The following UBE2N variants were observed in gnomAD, a reference collection of about 807,000 sequenced individuals.
UBE2N encodes the protein ubiquitin conjugating enzyme E2 N.
For missense variants in UBE2N, 60 were observed against 192.1 expected (o/e 0.31, Z 4.07); for synonymous variants, 70 against 69.2 (o/e 1.01, Z -0.06).
At position 93,406,318 on chromosome 12, in the gene UBE2N, A is replaced by C. The variant is rs531594280; in HGVS notation, c.*3721T>G. On this transcript the variant is annotated 3_prime_UTR_variant, in exon 4 of 4. Coordinates refer to ENST00000318066, the MANE Select transcript of UBE2N (RefSeq NM_003348.4). ...AAAAAAAAAAAAAGGTTCCTGAACCATTCAACAGAAAAATGAGGCCTATTC... is the reference window on the plus strand; with the variant it reads ...AAAAAAAAAAAAAGGTTCCTGAACCCTTCAACAGAAAAATGAGGCCTATTC... 6.3e-5 allele frequency: 9 copies of C among 143,038 alleles called. No homozygotes were observed. Among genetic ancestry groups the C allele is most frequent in the Admixed American group, 2.1e-4 (3 of 14,052 alleles). 8.9% of individuals were successfully genotyped at this position (143,038 alleles called of 1,614,324 possible). A position where few individuals can be genotyped will look rare whatever the true frequency, so the allele number is the denominator to read the frequency against.
intron 1 of UBE2N, among the ~76,000 whole-genome samples, chr12:93,420,210 G>GGGTT (rs1433626367): frequency 1.3e-5 from 2 of 152,126 alleles, no homozygotes; most frequent in Non-Finnish European, 2.9e-5. Flanking sequence ...CTTTATTTAT[G>GGGTT]GGTTGATAGG....
intron 1 of UBE2N, among the ~76,000 whole-genome samples, chr12:93,416,857 C>CAAA (rs4020452): frequency 7.9e-5 from 7 of 88,558 alleles, no homozygotes; most frequent in Admixed American, 1.3e-4. Context: ...CCATCACTAC[C>CAAA]AAAAAAAAAA....
intron 1 of UBE2N, among the ~76,000 whole-genome samples, chr12:93,434,133 T>A (rs1022117238): frequency 5.3e-5 from 8 of 151,482 alleles, no homozygotes; most frequent in Non-Finnish European, 1.0e-4. Context: ...CTACTAAAAA[T>A]AAAAAAAAAT....
chr12:93,410,999 A>C (rs1309936370), intron 2 of UBE2N, 54 bp downstream of exon 2: 2 of 1,613,978 alleles, frequency 1.2e-6, no homozygotes, highest in Non-Finnish European at 1.7e-6. Flanking sequence ...GGAATGCTTA[A>C]GAGAAAAAGG....
intron 1 of UBE2N, among the ~76,000 whole-genome samples, chr12:93,421,778 T>C (rs1011532750): frequency 3.3e-5 from 5 of 152,252 alleles, no homozygotes; most frequent in Non-Finnish European, 5.9e-5. Context: ...CTATCTTTGA[T>C]AGTGCATGAG....
At chr12:93,429,335 C>T (rs754091482) in intron 1 of UBE2N, 13 of 412,682 alleles carry the variant, frequency 3.2e-5, no homozygotes, top group Middle Eastern at 4.3e-4. Context: ...TGCAAGATAA[C>T]TCTAACATAT....
chr12:93,434,293 CA>C (rs370651956), intron 1 of UBE2N, among the ~76,000 whole-genome samples: 2,994 of 150,590 alleles, frequency 0.02, 79 homozygotes, highest in African/African-American at 0.062. Flanking sequence ...TCCGTCTCAA[CA>C]AAAAAAAACT....
At chr12:93,429,814 A>G (rs2121088246) in intron 1 of UBE2N, among the ~76,000 whole-genome samples, 1 of 152,328 alleles carries the variant, frequency 6.6e-6, no homozygotes, top group Non-Finnish European at 1.5e-5. Flanking sequence ...AAAAGCTTAT[A>G]GGATATAAAG....
chr12:93,410,947 C>T, intron 2 of UBE2N, 73 bp from the exon 3 acceptor site: 1 of 1,613,744 alleles, frequency 6.2e-7, no homozygotes, highest in East Asian at 2.2e-5. Flanking sequence ...TTCCCTCCCA[C>T]AGACCTCTCT....
At chr12:93,433,025 C>A (rs1267917525) in intron 1 of UBE2N, among the ~76,000 whole-genome samples, 1 of 150,812 alleles carries the variant, frequency 6.6e-6, no homozygotes. Context: ...CTGCTGCTCC[C>A]GGGTTCACAC....
intron 1 of UBE2N, among the ~76,000 whole-genome samples, chr12:93,438,577 T>TG (rs913932153): frequency 8.1e-5 from 12 of 147,466 alleles, no homozygotes; most frequent in African/African-American, 2.0e-4. Context: ...AGCTAAGGGG[T>TG]GGGGGGGAAG....
chr12:93,437,949 C>T (rs1878984194), intron 1 of UBE2N, among the ~76,000 whole-genome samples: 3 of 152,140 alleles, frequency 2.0e-5, no homozygotes, highest in South Asian at 4.1e-4. Context: ...GCAGAGTAGG[C>T]ACACAAAAAA....
intron 1 of UBE2N, among the ~76,000 whole-genome samples, chr12:93,416,163 C>A (rs1878200938): frequency 6.6e-6 from 1 of 152,134 alleles, no homozygotes; most frequent in South Asian, 2.1e-4. Context: ...AACAAACCCA[C>A]AGCATAAACT....
At chr12:93,425,532 T>C (rs1486301258) in intron 1 of UBE2N, among the ~76,000 whole-genome samples, 4 of 152,218 alleles carry the variant, frequency 2.6e-5, no homozygotes, top group African/African-American at 9.6e-5. Context: ...GACCCAATGT[T>C]GGACACCAGT....
chr12:93,441,701 C>A (rs1293679012), intron 1 of UBE2N, among the ~76,000 whole-genome samples, 154 bp downstream of exon 1: 1 of 152,056 alleles, frequency 6.6e-6, no homozygotes, highest in East Asian at 1.9e-4. Flanking sequence ...TCCTCAGCAC[C>A]CGACTTCCCT....
At chr12:93,436,755 C>T (rs1264860456) in intron 1 of UBE2N, among the ~76,000 whole-genome samples, 1 of 152,092 alleles carries the variant, frequency 6.6e-6, no homozygotes, top group Non-Finnish European at 1.5e-5. Context: ...ACCACCATGC[C>T]CAGCTTCAGT....
At chr12:93,427,776 A>G (rs1878639543) in intron 1 of UBE2N, among the ~76,000 whole-genome samples, 1 of 152,258 alleles carries the variant, frequency 6.6e-6, no homozygotes, top group African/African-American at 2.4e-5. Context: ...TAAATGAAGC[A>G]TTTGAGTTTT....
At chr12:93,426,892 C>T (rs889468699) in intron 1 of UBE2N, among the ~76,000 whole-genome samples, 3 of 151,604 alleles carry the variant, frequency 2.0e-5, no homozygotes, top group Admixed American at 6.6e-5. Flanking sequence ...TTAAGCTCAT[C>T]GGCTATCATT....
chr12:93,421,254 T>G (rs551710988), intron 1 of UBE2N, among the ~76,000 whole-genome samples: 4 of 151,346 alleles, frequency 2.6e-5, no homozygotes, highest in African/African-American at 7.3e-5. Context: ...CAGGCTGGAG[T>G]GCAGTGATAC....
Sources: allele counts gnomAD v4.1 joint callset (sites outside exome capture counted in the v4.1 genomes callset), GRCh38; gene constraint gnomAD v4.1.1; transcripts MANE v1.5; gene names NCBI Gene and HGNC (gene_info 2026-07-23, HGNC 2026-07-21).